Variants in RAD17 observed in about 807,000 individuals in gnomAD.
RAD17 encodes RAD17 checkpoint clamp loader component.
Under a neutral mutation model 81.5 loss-of-function variants are expected in RAD17, and 31 were observed. The observed-to-expected ratio is 0.38, with a 90% CI of 0.29 to 0.51. The LOEUF is 0.51. Ranked by LOEUF, RAD17 falls within the 20% of genes least tolerant of loss-of-function variation. The pLI, the probability that RAD17 is intolerant of heterozygous loss-of-function variation, is 0.88. For missense variants in RAD17, 681 were observed against 781.2 expected (o/e 0.87, Z 1.53); for synonymous variants, 261 against 266.2 (o/e 0.98, Z 0.19).
At chr5:69,374,869 T>C (rs1048369297) in intron 6 of RAD17, among the ~76,000 whole-genome samples, 158 bp downstream of exon 6, 3 of 152,216 alleles carry the variant, frequency 2.0e-5, no homozygotes, top group African/African-American at 7.2e-5. Context: ...CTCATGCCTG[T>C]AATCCCAGCA....
chr5:69,406,610 TCCTA>T (rs2150878900), intron 17 of RAD17, among the ~76,000 whole-genome samples: 1 of 152,144 alleles, frequency 6.6e-6, no homozygotes, highest in East Asian at 1.9e-4. Context: ...CAAGTGATCC[TCCTA>T]CCTCAGCCTA....
chr5:69,410,975 A>G (rs1040092903), intron 18 of RAD17, among the ~76,000 whole-genome samples: 7 of 141,826 alleles, frequency 4.9e-5, no homozygotes, highest in African/African-American at 7.7e-5. Context: ...CTATATATAT[A>G]TATATATATA....
intron 6 of RAD17, among the ~76,000 whole-genome samples, chr5:69,375,592 G>A (rs1430399012): frequency 1.3e-5 from 2 of 150,460 alleles, no homozygotes; most frequent in Admixed American, 6.7e-5. Context: ...TAAACATTGT[G>A]ACATTTCAGT....
chr5:69,397,476 C>A (rs936384314), intron 16 of RAD17, among the ~76,000 whole-genome samples: 12 of 151,542 alleles, frequency 7.9e-5, no homozygotes, highest in South Asian at 2.1e-4. Flanking sequence ...TAAAAACAAA[C>A]TTTAGGGCCA....
At chr5:69,382,155 C>T (rs979568237) in intron 7 of RAD17, 98 bp downstream of exon 7, 39 of 1,374,636 alleles carry the variant, frequency 2.8e-5, no homozygotes, top group Non-Finnish European at 3.8e-5. Context: ...TCCCATACTT[C>T]TTGCTTTCAG....
chr5:69,393,304 T>C (rs1239878166), intron 14 of RAD17, 50 bp from the exon 15 acceptor site: 1 of 1,566,902 alleles, frequency 6.4e-7, no homozygotes, highest in African/African-American at 1.4e-5. Context: ...GCATATATAT[T>C]TGACCATTGC....
intron 17 of RAD17, among the ~76,000 whole-genome samples, chr5:69,402,786 A>G (rs1765357979): frequency 6.6e-6 from 1 of 152,170 alleles, no homozygotes; most frequent in Non-Finnish European, 1.5e-5. Flanking sequence ...CTCTCTTTAT[A>G]AGCATGCACA....
In RAD17 at chr5:69,394,975, C is replaced by T. The variant is rs911883719; in HGVS notation, c.1423-1422C>T. Among the ~76,000 whole-genome samples the T allele has an allele frequency of 7.2e-5, 11 of 152,242 alleles. No individual in the cohort carries two copies. The South Asian group carries it at 2.1e-3, about 29-fold the overall frequency. The stretch of plus-strand genomic sequence containing the variant: ...GCTGAGGTGGGAGGATGGCTTGAGC[C>T]TGGGAGGCAGAGGTTGCAGTGAGCT... On this transcript the variant is annotated intron_variant, in intron 15 of 18. Transcript: ENST00000354868.
upstream of RAD17, chr5:69,369,549 G>A (rs532216259): frequency 2.7e-4 from 427 of 1,609,974 alleles, no homozygotes; most frequent in Middle Eastern, 1.8e-3. Flanking sequence ...CTACAGGGAG[G>A]AGCCGGAAGG....
chr5:69,408,750 A>C (rs2150886419), intron 17 of RAD17, among the ~76,000 whole-genome samples: 1 of 152,096 alleles, frequency 6.6e-6, no homozygotes. Flanking sequence ...ACCTCAAGTG[A>C]TCCACCCACC....
chr5:69,413,316 GTAATCCCA>G, intron 18 of RAD17, among the ~76,000 whole-genome samples: 1 of 152,112 alleles, frequency 6.6e-6, no homozygotes, highest in Non-Finnish European at 1.5e-5. Context: ...GCATGTGCCT[GTAATCCCA>G]GCTACTTGGG....
In RAD17 at chr5:69,373,820, T is replaced by C. The variant is rs1445042058; in HGVS notation, c.10-10T>C. 2 of 1,594,478 alleles carry C rather than the reference T, an allele frequency of 1.3e-6. No homozygotes were observed. Among genetic ancestry groups the C allele is most frequent in the Non-Finnish European group, 1.7e-6 (2 of 1,172,020 alleles). On this transcript the variant is annotated splice_polypyrimidine_tract_variant and intron_variant, in intron 4 of 18. Coordinates refer to ENST00000354868, the MANE Select transcript of RAD17 (RefSeq NM_133338.3). ...TGTGATTATATTTACATGATTTCTT[T>C]TTTTTTCAGGTAACAGACTGGGTTG...
chr5:69,375,535 A>G (rs970573006), intron 6 of RAD17, among the ~76,000 whole-genome samples: 1 of 152,148 alleles, frequency 6.6e-6, no homozygotes, highest in Admixed American at 6.5e-5. Flanking sequence ...AAAAATATAT[A>G]TAGAATATAC....
chr5:69,401,323 G>T (rs1308201289), intron 17 of RAD17, among the ~76,000 whole-genome samples: 1 of 152,244 alleles, frequency 6.6e-6, no homozygotes, highest in African/African-American at 2.4e-5. Context: ...GTAGAAACAT[G>T]CAGAATGAGG....
At position 69,389,137 on chromosome 5, in the gene RAD17, C is replaced by A. The variant is rs1158766759; in HGVS notation, c.998C>A (p.Ser333Tyr). Residue 333 changes from serine (S) to tyrosine (Y), a missense_variant, in exon 12 of 19, where the codon TCT becomes TAT. Physicochemically the swap from Ser to Tyr is moderately radical, Grantham distance 144. Coordinates refer to ENST00000354868, the MANE Select transcript of RAD17 (RefSeq NM_133338.3). ...GCAATAAACAGCCTCCAGTTTTCTT[C>A]TTCAAAAGGTAACTATGGAAGATAC... is the stretch of plus-strand genomic sequence containing the variant. Reference protein sequence around the residue: ...RSAINSLQFSSSKGENNLRPR... With the variant: ...RSAINSLQFSYSKGENNLRPR... 1.3e-6 allele frequency: 2 copies of A among 1,572,964 alleles called. No individual in the cohort carries two copies. The highest frequency in any genetic ancestry group is 1.4e-5 in the African/African-American group (1 of 73,208).
At chr5:69,412,922 G>A (rs540916440) in intron 18 of RAD17, among the ~76,000 whole-genome samples, 1 of 151,676 alleles carries the variant, frequency 6.6e-6, no homozygotes, top group South Asian at 2.1e-4. Flanking sequence ...CTGAAGTGGA[G>A]GTTGCAGTGA....
At chr5:69,384,753 A>G in intron 7 of RAD17, 44 bp from the exon 8 acceptor site, 1 of 1,536,258 alleles carries the variant, frequency 6.5e-7, no homozygotes, top group Non-Finnish European at 8.9e-7. Flanking sequence ...ATATTAATGT[A>G]TATCATTTGT....
intron 17 of RAD17, among the ~76,000 whole-genome samples, chr5:69,402,964 C>A (rs1024274159): frequency 6.6e-6 from 1 of 152,098 alleles, no homozygotes; most frequent in East Asian, 1.9e-4. Flanking sequence ...TTTATAGTCC[C>A]CATTCAAATT....
intron 18 of RAD17, among the ~76,000 whole-genome samples, chr5:69,413,511 T>G (rs1007071468): frequency 2.0e-5 from 3 of 152,136 alleles, no homozygotes; most frequent in East Asian, 1.9e-4. Flanking sequence ...TTTTTGTTGT[T>G]GTGGTTTGGT....
Sources: gnomAD v4.1 joint callset for allele counts (sites outside exome capture counted in the v4.1 genomes callset) on GRCh38, gnomAD v4.1.1 for gene constraint, MANE v1.5 for transcripts, NCBI Gene and HGNC (gene_info 2026-07-23, HGNC 2026-07-21) for gene names.